The following CWC27 variants were observed in gnomAD, a reference collection of about 807,000 sequenced individuals.
The protein encoded by CWC27 is CWC27 spliceosome associated cyclophilin, also known as spliceosome-associated protein CWC27 homolog.
In CWC27, 47 loss-of-function variants were observed where a neutral mutation model predicts 63.6. That is an observed-to-expected ratio of 0.74 (90% CI 0.58 to 0.94). The LOEUF is 0.94. Among genes scored for constraint, CWC27 ranks in the 40% least tolerant of loss-of-function variants. The pLI, the probability that CWC27 is intolerant of heterozygous loss-of-function variation, is 0.00. For missense variants in CWC27, 495 were observed against 554.3 expected, an observed-to-expected ratio of 0.89 and a Z score of 1.07; for synonymous variants, 175 against 179.8, an observed-to-expected ratio of 0.97 and a Z score of 0.22.
At chr5:64,792,802 A>G (rs1744128172) in intron 7 of CWC27, among the ~76,000 whole-genome samples, 2 of 152,186 alleles carry the variant, frequency 1.3e-5, no homozygotes, top group African/African-American at 4.8e-5. Flanking sequence ...ATACAAATTC[A>G]TATTAAAACT....
intron 7 of CWC27, among the ~76,000 whole-genome samples, chr5:64,797,656 C>A (rs1176876934): frequency 6.6e-6 from 1 of 152,036 alleles, no homozygotes; most frequent in Non-Finnish European, 1.5e-5. Flanking sequence ...AAATTAATTA[C>A]TTTTTAAATT....
intron 11 of CWC27, among the ~76,000 whole-genome samples, chr5:64,898,967 C>G (rs1305919846): frequency 6.6e-6 from 1 of 152,124 alleles, no homozygotes; most frequent in Non-Finnish European, 1.5e-5. Flanking sequence ...AAAGCACTTT[C>G]ACTCTTATCA....
intron 11 of CWC27, among the ~76,000 whole-genome samples, chr5:64,934,385 G>C (rs1748302245): frequency 6.6e-6 from 1 of 152,144 alleles, no homozygotes; most frequent in Non-Finnish European, 1.5e-5. Context: ...AGTTTGCTGA[G>C]AATTATGGTT....
At chr5:64,818,179 G>A (rs1454297523) in intron 10 of CWC27, among the ~76,000 whole-genome samples, 1 of 152,060 alleles carries the variant, frequency 6.6e-6, no homozygotes, top group African/African-American at 2.4e-5. Flanking sequence ...TGGCATATGA[G>A]TTTAAGTTGC....
intron 10 of CWC27, among the ~76,000 whole-genome samples, chr5:64,833,814 T>A (rs545850330): frequency 1.3e-5 from 2 of 151,840 alleles, no homozygotes; most frequent in East Asian, 1.9e-4. Context: ...GTTAGACCCA[T>A]CATTTATTCA....
intron 2 of CWC27, among the ~76,000 whole-genome samples, chr5:64,775,057 C>T (rs1743393949): frequency 6.6e-6 from 1 of 152,188 alleles, no homozygotes; most frequent in South Asian, 2.1e-4. Flanking sequence ...ACGCTTCTTC[C>T]TTTCATTCTC....
rs539827508 is a variant in CWC27, at chr5:64,976,425, A to G, written c.1153-710A>G. On this transcript the variant is annotated intron_variant, in intron 12 of 13. Transcript: ENST00000381070. ...ATTTTTGGAAATTTGTGAAATAAAC[A>G]ATACTATTTTTTTATTTTTGATTTC... 8.6e-4 allele frequency among the ~76,000 whole-genome samples: 131 copies of G among 152,246 alleles called. 1 individual carries two copies. The highest frequency in any genetic ancestry group is 1.2e-3 in the Non-Finnish European group (80 of 68,014).
intron 8 of CWC27, among the ~76,000 whole-genome samples, chr5:64,800,993 A>G (rs1332169436): frequency 6.6e-6 from 1 of 152,146 alleles, no homozygotes; most frequent in Admixed American, 6.5e-5. Context: ...GAATATTTCA[A>G]GCCAATAAAA....
chr5:64,895,880 C>T (rs545279669), intron 11 of CWC27, among the ~76,000 whole-genome samples: 7 of 152,220 alleles, frequency 4.6e-5, no homozygotes, highest in Admixed American at 2.0e-4. Flanking sequence ...ATGTAGAACT[C>T]AGCCCAAAAA....
rs148220937 is a variant in CWC27, at chr5:64,914,318, A to G, written c.1042+28772A>G. 1.1e-4 allele frequency among the ~76,000 whole-genome samples: 16 copies of G among 152,278 alleles called. No individual in the cohort carries two copies. The East Asian group carries it at 3.1e-3, about 29-fold the overall frequency. On this transcript the variant is annotated intron_variant, in intron 11 of 13. Coordinates refer to ENST00000381070, the MANE Select transcript of CWC27 (RefSeq NM_005869.4). ...GAAACATTTGCTGAACTTTTACTCTATTAAAATTAAGAACCTCTGTTCAGC... is the reference window on the plus strand; with the variant it reads ...GAAACATTTGCTGAACTTTTACTCTGTTAAAATTAAGAACCTCTGTTCAGC...
intron 11 of CWC27, among the ~76,000 whole-genome samples, chr5:64,942,197 A>G (rs1022789830): frequency 3.4e-4 from 51 of 151,832 alleles, no homozygotes; most frequent in Non-Finnish European, 5.6e-4. Flanking sequence ...AGGCTGAGAC[A>G]GGAGTATGCT....
intron 11 of CWC27, among the ~76,000 whole-genome samples, chr5:64,921,475 A>G (rs1561157404): frequency 6.6e-6 from 1 of 152,080 alleles, no homozygotes; most frequent in Non-Finnish European, 1.5e-5. Context: ...GAGTTTAAGT[A>G]CAGAATAACC....
intron 13 of CWC27, among the ~76,000 whole-genome samples, chr5:65,014,312 A>G (rs1005121421): frequency 1.4e-5 from 2 of 148,044 alleles, no homozygotes; most frequent in African/African-American, 4.9e-5. Flanking sequence ...CTGTATATAT[A>G]CTATATATAC....
chr5:64,880,244 C>T (rs895411859), intron 10 of CWC27, among the ~76,000 whole-genome samples: 1 of 151,868 alleles, frequency 6.6e-6, no homozygotes, highest in African/African-American at 2.4e-5. Flanking sequence ...TTATATCCCT[C>T]CTTGGAATTT....
At chr5:64,932,458 A>G (rs1432136933) in intron 11 of CWC27, among the ~76,000 whole-genome samples, 1 of 152,134 alleles carries the variant, frequency 6.6e-6, no homozygotes, top group Non-Finnish European at 1.5e-5. Context: ...AAGTCTGAAA[A>G]CCACTTCCTT....
intron 11 of CWC27, among the ~76,000 whole-genome samples, chr5:64,965,555 A>C (rs75794789): frequency 0.011 from 1,701 of 152,298 alleles, 78 homozygotes; most frequent in Admixed American, 0.073. Flanking sequence ...ATAGTATTGA[A>C]ATATGTTTGA....
intron 7 of CWC27, among the ~76,000 whole-genome samples, chr5:64,797,203 G>A (rs917518925): frequency 6.6e-6 from 1 of 151,972 alleles, no homozygotes; most frequent in Non-Finnish European, 1.5e-5. Context: ...CTTATTTTAA[G>A]CAATTTTTAA....
intron 7 of CWC27, among the ~76,000 whole-genome samples, chr5:64,796,018 T>C (rs937354745): frequency 2.7e-5 from 4 of 150,726 alleles, no homozygotes; most frequent in Non-Finnish European, 5.9e-5. Context: ...TGTGTGTGTG[T>C]GTGTGTGTGT....
At chr5:65,001,003 A>C (rs1417467719) in intron 13 of CWC27, among the ~76,000 whole-genome samples, 1 of 151,974 alleles carries the variant, frequency 6.6e-6, no homozygotes, top group Non-Finnish European at 1.5e-5. Flanking sequence ...AGTTTCTTTC[A>C]TCAGTGTTTT....
Sources: allele counts gnomAD v4.1 joint callset (sites outside exome capture counted in the v4.1 genomes callset), GRCh38; gene constraint gnomAD v4.1.1; transcripts MANE v1.5; gene names NCBI Gene and HGNC (gene_info 2026-07-23, HGNC 2026-07-21).